AGAP1: variants seen among roughly 807,000 people sequenced by gnomAD.
AGAP1 encodes the protein ArfGAP with GTPase domain, ankyrin repeat and PH domain 1.
In AGAP1, 29 loss-of-function variants were observed where a neutral mutation model predicts 105.3. The ratio of observed to expected loss-of-function variants is 0.28; its 90% CI spans 0.21 to 0.38. AGAP1 has a LOEUF of 0.38. Ranked by LOEUF, AGAP1 falls within the 10% of genes least tolerant of loss-of-function variation. The pLI is 1.00. For missense variants in AGAP1, 998 were observed against 1,165.1 expected, an observed-to-expected ratio of 0.86 and a Z score of 2.09; for synonymous variants, 509 against 485.9, an observed-to-expected ratio of 1.05 and a Z score of -0.63.
intron 1 of AGAP1, among the ~76,000 whole-genome samples, chr2:235,682,218 T>C (rs137906549): frequency 0.01 from 1,552 of 152,218 alleles, 15 homozygotes; most frequent in Non-Finnish European, 0.014. Flanking sequence ...TGTTTTAATA[T>C]AGAAATAATA....
rs903950165 is a variant in AGAP1 at position 235,927,164 on chromosome 2, G to A, written c.1325-3601G>A. On this transcript the variant is annotated intron_variant, in intron 11 of 17. Transcript: ENST00000304032. The surrounding 1 kb of genome is among the most constrained non-coding windows in gnomAD (Gnocchi z 4.4). ...CGCAGTGGGAAGTGGGTGTGGCTGG[G>A]GCTGGGGGGCCTTCACGAGCTATAG... 6.6e-6 allele frequency among the ~76,000 whole-genome samples: 1 copy of A among 152,156 alleles called. No homozygotes were observed. The highest frequency in any genetic ancestry group is 1.5e-5 in the Non-Finnish European group (1 of 68,032).
rs1447527009 is a variant in AGAP1, at chr2:235,777,939, TC to T, written c.674-19818del. On this transcript the variant is annotated intron_variant, in intron 6 of 17. Transcript: ENST00000304032. This position sits in a 1 kb window ranked among gnomAD's most constrained non-coding sequence, Gnocchi z 5.1. ...TTGTAGTGGTTGGAAGGAGGGGACT[TC>T]CTTGGCCCCTCCTGGCTCTGCCCTG... Among the ~76,000 whole-genome samples the T allele has an allele frequency of 1.3e-5, 2 of 152,170 alleles. No individual in the cohort carries two copies. Among genetic ancestry groups the T allele is most frequent in the African/African-American group, 2.4e-5 (1 of 41,436 alleles).
chr2:235,768,783 A>G (rs1314957744), intron 6 of AGAP1, among the ~76,000 whole-genome samples: 3 of 152,200 alleles, frequency 2.0e-5, no homozygotes, highest in Admixed American at 2.0e-4. Flanking sequence ...TGCTCCCAGC[A>G]CTGTTAGCGG....
chr2:235,670,538 G>T (rs1216645329), intron 1 of AGAP1: 7 of 482,446 alleles, frequency 1.5e-5, no homozygotes, highest in Non-Finnish European at 2.5e-5. Flanking sequence ...GGCCCGGGCC[G>T]CGCCCCTGCG....
Position 235,900,374 on chromosome 2 carries a change from A to G in AGAP1, c.1156-8364A>G, listed in dbSNP as rs1389956870. On this transcript the variant is annotated intron_variant, in intron 10 of 17. Transcript: ENST00000304032. This position sits in a 1 kb window ranked among gnomAD's most constrained non-coding sequence, Gnocchi z 5.5. ...GGCCAGGTGACAATCTTACAGTTTA[A>G]TGGAATTGTTGTTGTGTCTCGGTGG... 6.6e-6 allele frequency among the ~76,000 whole-genome samples: 1 copy of G among 151,944 alleles called. No homozygotes were observed. Among genetic ancestry groups the G allele is most frequent in the African/African-American group, 2.4e-5 (1 of 41,354 alleles).
At chr2:235,938,956 G>A (rs940572482) in intron 12 of AGAP1, among the ~76,000 whole-genome samples, 2 of 152,166 alleles carry the variant, frequency 1.3e-5, no homozygotes, top group African/African-American at 4.8e-5. Flanking sequence ...GGCCTGGGAT[G>A]GAACCCAAGC....
At position 236,020,588 on chromosome 2, in the gene AGAP1, T is replaced by G. The variant is rs113825705; in HGVS notation, c.1646-15973T>G. Among the ~76,000 whole-genome samples the G allele has an allele frequency of 1.3e-5, 2 of 152,314 alleles. No homozygotes were observed. The highest frequency in any genetic ancestry group is 4.8e-5 in the African/African-American group (2 of 41,570). Reference sequence around the variant, plus strand: ...TTCCTGGGTCTGTCCTTCCTCTCTGTTCTTTTCTTCCTCGCATGCAGACAA... The same window carrying G: ...TTCCTGGGTCTGTCCTTCCTCTCTGGTCTTTTCTTCCTCGCATGCAGACAA... On this transcript the variant is annotated intron_variant, in intron 13 of 17. Coordinates refer to ENST00000304032, the MANE Select transcript of AGAP1 (RefSeq NM_001037131.3). The surrounding 1 kb of genome is among the most constrained non-coding windows in gnomAD (Gnocchi z 5.0).
intron 1 of AGAP1, among the ~76,000 whole-genome samples, chr2:235,696,694 C>G (rs989015136): frequency 2.0e-5 from 3 of 152,194 alleles, no homozygotes; most frequent in African/African-American, 7.2e-5. Flanking sequence ...TATCGCTGCC[C>G]CTTTCCCATG....
At chr2:235,945,944 G>C (rs1225863234) in intron 12 of AGAP1, among the ~76,000 whole-genome samples, 1 of 151,874 alleles carries the variant, frequency 6.6e-6, no homozygotes, top group East Asian at 1.9e-4. Context: ...TAAGTGACCA[G>C]ATCTCATGAG....
intron 13 of AGAP1, among the ~76,000 whole-genome samples, chr2:236,010,196 C>T (rs142187593): frequency 6.1e-4 from 92 of 151,912 alleles, no homozygotes; most frequent in Non-Finnish European, 1.1e-3. Context: ...TTCCTCATGT[C>T]GCAGGAACCC....
rs1953647432 is a variant in AGAP1 at position 235,753,591 on chromosome 2, A to C, written c.673+3103A>C. Reference sequence around the variant, plus strand: ...CATGGTGGCAGGCACCTGTAATCCCAGCTACTCAGGAAGCCAAGGCAGGAG... The same window carrying C: ...CATGGTGGCAGGCACCTGTAATCCCCGCTACTCAGGAAGCCAAGGCAGGAG... On this transcript the variant is annotated intron_variant, in intron 6 of 17. Transcript: ENST00000304032. This position sits in a 1 kb window ranked among gnomAD's most constrained non-coding sequence, Gnocchi z 4.5. Among the ~76,000 whole-genome samples the C allele has an allele frequency of 6.6e-6, 1 of 152,034 alleles. No individual in the cohort carries two copies.
Position 235,716,492 on chromosome 2 carries a change from G to C in AGAP1, c.223-1065G>C, listed in dbSNP as rs990938909. Among the ~76,000 whole-genome samples the C allele has an allele frequency of 6.6e-6, 1 of 152,144 alleles. No individual in the cohort carries two copies. On this transcript the variant is annotated intron_variant, in intron 2 of 17. Coordinates refer to ENST00000304032, the MANE Select transcript of AGAP1 (RefSeq NM_001037131.3). The surrounding 1 kb of genome is among the most constrained non-coding windows in gnomAD (Gnocchi z 4.0). ...AGGAGGGAGGTCAACAAGTGGAACC[G>C]AGAGCAAGCGGGGTGAGTCCCAGCT...
intron 6 of AGAP1, among the ~76,000 whole-genome samples, chr2:235,759,423 C>A (rs1220706663): frequency 6.6e-6 from 1 of 152,184 alleles, no homozygotes; most frequent in Admixed American, 6.5e-5. Context: ...CCCGCCTTGG[C>A]CTCCCAAAGT....
rs1339469466 is a variant in AGAP1 at position 235,610,324 on chromosome 2, T to A, written c.164-98855T>A. On this transcript the variant is annotated intron_variant, in intron 1 of 17. Coordinates refer to ENST00000304032, the MANE Select transcript of AGAP1 (RefSeq NM_001037131.3). This position sits in a 1 kb window ranked among gnomAD's most constrained non-coding sequence, Gnocchi z 4.9. ...CCACCGTGCACTTGTCCGCTTGGGC[T>A]GCCATAACAAAATACCAGACGCTGG... 6.6e-6 allele frequency among the ~76,000 whole-genome samples: 1 copy of A among 152,180 alleles called. No homozygotes were observed. The highest frequency in any genetic ancestry group is 2.4e-5 in the African/African-American group (1 of 41,454).
chr2:235,957,167 T>C lies in AGAP1; in HGVS notation c.1484-11295T>C, dbSNP rs1049276811. On this transcript the variant is annotated intron_variant, in intron 12 of 17. Transcript: ENST00000304032. The surrounding 1 kb of genome is among the most constrained non-coding windows in gnomAD (Gnocchi z 4.6). ...TGTTCTTGAATTGGTGGTCAGAATA[T>C]GTACTTTTTTCTTTGTAAGGCTTTA... Among the ~76,000 whole-genome samples, 3 of 152,192 alleles carry C rather than the reference T, an allele frequency of 2.0e-5. No individual in the cohort carries two copies. Among genetic ancestry groups the C allele is most frequent in the Non-Finnish European group, 4.4e-5 (3 of 68,032 alleles).
At chr2:235,742,461 C>T (rs552887015) in intron 4 of AGAP1, among the ~76,000 whole-genome samples, 52 of 152,148 alleles carry the variant, frequency 3.4e-4, no homozygotes, top group Non-Finnish European at 6.8e-4. Context: ...ATACCATGAA[C>T]TTGATCATAA....
intron 1 of AGAP1, among the ~76,000 whole-genome samples, chr2:235,643,431 CAAAAAAAAAAAAAAAAA>C (rs56146940): frequency 1.3e-4 from 8 of 61,406 alleles, no homozygotes; most frequent in African/African-American, 4.8e-4. Context: ...GACTGGGTCT[CAAAAAAAAAAAAAAAAA>C]AAAAAAAAAA....
In AGAP1 at chr2:236,046,145, T is replaced by C. The variant is rs2057711933; in HGVS notation, c.1892-2914T>C. On this transcript the variant is annotated intron_variant, in intron 15 of 17. Transcript: ENST00000304032. This position sits in a 1 kb window ranked among gnomAD's most constrained non-coding sequence, Gnocchi z 5.2. ...GTGGGCATAGGAACCAAATCGGAGG[T>C]TCTGGTAAGAGCTTAGGCAAGTGGC... 9.7e-6 allele frequency: 4 copies of C among 412,578 alleles called. No individual in the cohort carries two copies. The highest frequency in any genetic ancestry group is 7.9e-5 in the Admixed American group (3 of 38,138). The allele number at this position is 412,578 out of a possible 1,614,324, so 25.6% of individuals were successfully genotyped here.
chr2:235,581,295 G>A lies in AGAP1; in HGVS notation c.163+86446G>A, dbSNP rs192727538. On this transcript the variant is annotated intron_variant, in intron 1 of 17. Coordinates refer to ENST00000304032, the MANE Select transcript of AGAP1 (RefSeq NM_001037131.3). ...GCTCTCTAGCCTGGGTGACAAGAGCGAAACTCCGTCTCAAAAAAAAAAAAA... is the reference window on the plus strand; with the variant it reads ...GCTCTCTAGCCTGGGTGACAAGAGCAAAACTCCGTCTCAAAAAAAAAAAAA... Among the ~76,000 whole-genome samples the A allele has an allele frequency of 7.9e-4, 119 of 150,042 alleles. No individual in the cohort carries two copies. The East Asian group carries it at 0.017, about 22-fold the overall frequency.
Sources: allele counts gnomAD v4.1 joint callset (sites outside exome capture counted in the v4.1 genomes callset), GRCh38; gene constraint gnomAD v4.1.1; non-coding constraint Gnocchi (gnomAD v3.1); transcripts MANE v1.5; gene names NCBI Gene and HGNC (gene_info 2026-07-23, HGNC 2026-07-21).